Variants in GFOD1 observed in about 807,000 individuals in gnomAD.
GFOD1 encodes the protein Gfo/Idh/MocA-like oxidoreductase domain containing 1.
A neutral mutation model predicts 25.4 loss-of-function variants in GFOD1; 9 were observed. The observed-to-expected ratio is 0.35, with a 90% confidence interval of 0.21 to 0.62. The LOEUF (loss-of-function observed/expected upper bound fraction) is 0.62, where lower values mean the gene tolerates loss of function less well. GFOD1 is among the 20% of genes least tolerant of loss of function. The pLI, the probability that GFOD1 is intolerant of heterozygous loss-of-function variation, is 0.72. For synonymous variants in GFOD1, 253 were observed against 245.6 expected (o/e 1.03, Z -0.28); for missense variants, 403 against 556.9 (o/e 0.72, Z 2.78).
At chr6:13,470,525 TG>T (rs1238414883) in intron 1 of GFOD1, 1 of 1,549,642 alleles carries the variant, frequency 6.5e-7, no homozygotes, top group Non-Finnish European at 8.7e-7. Flanking sequence ...ATGTCCCATG[TG>T]GGGGTGCTGG....
intron 1 of GFOD1, among the ~76,000 whole-genome samples, chr6:13,417,849 T>C (rs917092711): frequency 2.6e-5 from 4 of 152,174 alleles, no homozygotes. Context: ...CAGAACCTGC[T>C]GGGAAAAGAT....
At chr6:13,373,741 A>AACACACAC (rs10530031) in intron 1 of GFOD1, among the ~76,000 whole-genome samples, 2,317 of 129,544 alleles carry the variant, frequency 0.018, 77 homozygotes, top group African/African-American at 0.06. Flanking sequence ...CTGCTCCCCC[A>AACACACAC]ACACACACAC....
At chr6:13,406,464 T>C (rs1437473373) in intron 1 of GFOD1, among the ~76,000 whole-genome samples, 1 of 152,168 alleles carries the variant, frequency 6.6e-6, no homozygotes, top group Non-Finnish European at 1.5e-5. Context: ...GGCGCCTGTA[T>C]TCACGTTAGG....
chr6:13,455,089 C>A (rs369533859), intron 1 of GFOD1, among the ~76,000 whole-genome samples: 5 of 151,822 alleles, frequency 3.3e-5, no homozygotes, highest in African/African-American at 1.2e-4. Context: ...TGCACGTGTG[C>A]CTGACACACC....
intron 1 of GFOD1, among the ~76,000 whole-genome samples, chr6:13,406,472 A>G (rs571921507): frequency 2.6e-5 from 4 of 152,322 alleles, no homozygotes; most frequent in Non-Finnish European, 4.4e-5. Flanking sequence ...TATTCACGTT[A>G]GGACTGTACA....
rs1270708121 is a variant in GFOD1, at chr6:13,360,011, G to C, written c.*4732C>G. ...GCTCAGCGAATTGAGGTCCAATGCA[G>C]GTCTAATTCCAACTTCTCTGCCACT... On this transcript the variant is annotated 3_prime_UTR_variant, in exon 2 of 2. Coordinates refer to ENST00000379287, the MANE Select transcript of GFOD1 (RefSeq NM_018988.4). 1 of 151,982 alleles carries C rather than the reference G, an allele frequency of 6.6e-6. No individual in the cohort carries two copies. Among genetic ancestry groups the C allele is most frequent in the African/African-American group, 2.4e-5 (1 of 41,256 alleles). The allele number at this position is 151,982 out of a possible 1,614,324, so 9.4% of individuals were successfully genotyped here. A position where few individuals can be genotyped will look rare whatever the true frequency, so the allele number is the denominator to read the frequency against.
chr6:13,404,569 G>T (rs2127564217), intron 1 of GFOD1, among the ~76,000 whole-genome samples: 1 of 152,278 alleles, frequency 6.6e-6, no homozygotes, highest in Non-Finnish European at 1.5e-5. Context: ...AGCCTCAAAA[G>T]GGTGTTACAA....
rs1562209371 is a variant in GFOD1, at chr6:13,409,136, A to AGAAAGAAAGAAAG, written c.254-43487_254-43475dup. Among the ~76,000 whole-genome samples the AGAAAGAAAGAAAG allele has an allele frequency of 1.8e-4, 7 of 39,914 alleles. 2 individuals carry two copies. Among genetic ancestry groups the AGAAAGAAAGAAAG allele is most frequent in the Non-Finnish European group, 5.6e-4 (7 of 12,602 alleles). 26.2% of individuals were successfully genotyped at this position (39,914 alleles called of 152,430 possible). A position where few individuals can be genotyped will look rare whatever the true frequency, so the allele number is the denominator to read the frequency against. On this transcript the variant is annotated intron_variant, in intron 1 of 1. Transcript: ENST00000379287. The stretch of plus-strand genomic sequence containing the variant: ...AAGAAAGAAAGAAAGAAAGAAAGAA[A>AGAAAGAAAGAAAG]GAAAGAAAGAAAGAGAGGAAAGAAA...
chr6:13,418,629 G>A (rs893018730), intron 1 of GFOD1, among the ~76,000 whole-genome samples: 30 of 152,114 alleles, frequency 2.0e-4, no homozygotes, highest in African/African-American at 7.2e-4. Context: ...CAGAGTATTG[G>A]TGTCATCTGT....
intron 1 of GFOD1, among the ~76,000 whole-genome samples, chr6:13,399,598 C>T (rs138621703): frequency 1.3e-3 from 199 of 152,182 alleles, no homozygotes; most frequent in African/African-American, 4.3e-3. Flanking sequence ...ATCTCAAAAC[C>T]GGTATGCGGA....
rs1325173565 is a variant in GFOD1, at chr6:13,360,666, C to T, written c.*4077G>A. ...ATTTCCATTTTGGAATGGGAAGAAACACTGGCTACTTCTATGTGCAGCTCT... is the reference window on the plus strand; with the variant it reads ...ATTTCCATTTTGGAATGGGAAGAAATACTGGCTACTTCTATGTGCAGCTCT... On this transcript the variant is annotated 3_prime_UTR_variant, in exon 2 of 2. Coordinates refer to ENST00000379287, the MANE Select transcript of GFOD1 (RefSeq NM_018988.4). The T allele has an allele frequency of 2.2e-6, 1 of 451,738 alleles. No individual in the cohort carries two copies. Among genetic ancestry groups the T allele is most frequent in the Non-Finnish European group, 4.5e-6 (1 of 222,974 alleles). 28.0% of individuals were successfully genotyped at this position (451,738 alleles called of 1,614,324 possible). A position where few individuals can be genotyped will look rare whatever the true frequency, so the allele number is the denominator to read the frequency against.
At chr6:13,462,998 C>T (rs1758317853) in intron 1 of GFOD1, among the ~76,000 whole-genome samples, 1 of 152,236 alleles carries the variant, frequency 6.6e-6, no homozygotes, top group Admixed American at 6.5e-5. Context: ...GCTAAGATTT[C>T]ACGAGGCAGA....
chr6:13,478,032 C>T (rs1036076335), intron 1 of GFOD1, among the ~76,000 whole-genome samples: 1 of 150,852 alleles, frequency 6.6e-6, no homozygotes, highest in Admixed American at 6.6e-5. Context: ...CCACTGCACT[C>T]CAGCCTGGAC....
intron 1 of GFOD1, among the ~76,000 whole-genome samples, chr6:13,416,793 G>A (rs1786170654): frequency 1.3e-5 from 2 of 152,166 alleles, no homozygotes; most frequent in African/African-American, 4.8e-5. Flanking sequence ...CTAGGCTCTA[G>A]GCTAAAAATT....
intron 1 of GFOD1, among the ~76,000 whole-genome samples, chr6:13,390,789 A>AAGGG (rs751973484): frequency 7.2e-6 from 1 of 138,390 alleles, no homozygotes; most frequent in Non-Finnish European, 1.5e-5. Context: ...GAAAGGAAGG[A>AAGGG]AGGAAGGAAG....
At chr6:13,415,362 T>C (rs1246437077) in intron 1 of GFOD1, among the ~76,000 whole-genome samples, 1 of 152,108 alleles carries the variant, frequency 6.6e-6, no homozygotes, top group Non-Finnish European at 1.5e-5. Flanking sequence ...TCAACATCAA[T>C]GTCCCTTCTG....
At chr6:13,448,393 A>G (rs529413511) in intron 1 of GFOD1, among the ~76,000 whole-genome samples, 27 of 152,190 alleles carry the variant, frequency 1.8e-4, no homozygotes, top group Non-Finnish European at 2.5e-4. Context: ...CCTCCTCCCA[A>G]TTGTTTATCC....
chr6:13,411,726 G>C (rs944548632), intron 1 of GFOD1, among the ~76,000 whole-genome samples: 3 of 152,188 alleles, frequency 2.0e-5, no homozygotes, highest in Non-Finnish European at 2.9e-5. Context: ...TCTGTGATAG[G>C]AGCCAGTCAG....
At chr6:13,386,461 G>T (rs777160999) in intron 1 of GFOD1, among the ~76,000 whole-genome samples, 2 of 149,992 alleles carry the variant, frequency 1.3e-5, no homozygotes, top group Non-Finnish European at 3.0e-5. Context: ...CCTGCCAGCA[G>T]CCAGCAGCCA....
Sources: allele counts gnomAD v4.1 joint callset (sites outside exome capture counted in the v4.1 genomes callset), GRCh38; gene constraint gnomAD v4.1.1; transcripts MANE v1.5; gene names NCBI Gene and HGNC (gene_info 2026-07-23, HGNC 2026-07-21).